Variants in CSMD1 observed in about 807,000 individuals in gnomAD.
CSMD1 encodes the protein CUB and sushi domain-containing protein 1.
In CSMD1, 213 loss-of-function variants were observed where a neutral mutation model predicts 417.5. The observed-to-expected ratio is 0.51, with a 90% CI of 0.46 to 0.57. CSMD1 has a LOEUF of 0.57. CSMD1 is among the 20% of genes least tolerant of loss of function. CSMD1 has a pLI of 0.00. For missense variants in CSMD1, 6,923 were observed against 4,529.7 expected (o/e 1.53, Z -15.17); for synonymous variants, 2,862 against 1,736.8 (o/e 1.65, Z -16.11).
At chr8:3,686,227 T>C (rs577605421) in intron 7 of CSMD1, among the ~76,000 whole-genome samples, 1 of 152,256 alleles carries the variant, frequency 6.6e-6, no homozygotes, top group African/African-American at 2.4e-5. Context: ...CCCCCTTGAG[T>C]TACTGACTTC....
At chr8:4,718,583 G>C (rs115765620) in intron 1 of CSMD1, among the ~76,000 whole-genome samples, 1 of 151,912 alleles carries the variant, frequency 6.6e-6, no homozygotes, top group Non-Finnish European at 1.5e-5. Flanking sequence ...AACATGAAAA[G>C]GAGGAGATAA....
chr8:3,433,199 C>G (rs550928880), intron 12 of CSMD1, among the ~76,000 whole-genome samples: 2 of 152,274 alleles, frequency 1.3e-5, no homozygotes, highest in Middle Eastern at 3.4e-3. Context: ...TATTAGACAA[C>G]TTTTGTGGAA....
intron 5 of CSMD1, among the ~76,000 whole-genome samples, chr8:3,916,023 T>C (rs984885041): frequency 1.3e-5 from 2 of 151,704 alleles, no homozygotes; most frequent in Admixed American, 1.3e-4. Flanking sequence ...AAAATGTCAC[T>C]GCAGACACAA....
intron 3 of CSMD1, among the ~76,000 whole-genome samples, chr8:4,315,787 C>A (rs968564402): frequency 7.7e-6 from 1 of 130,718 alleles, no homozygotes; most frequent in Non-Finnish European, 1.7e-5. Flanking sequence ...ACATATTTTG[C>A]ATAAAGTAAT....
chr8:3,532,006 T>C (rs931422812), intron 10 of CSMD1, among the ~76,000 whole-genome samples: 1 of 152,230 alleles, frequency 6.6e-6, no homozygotes, highest in Non-Finnish European at 1.5e-5. Flanking sequence ...CCTATGCAGA[T>C]GGCACACCTG....
At chr8:4,029,269 G>A (rs888928708) in intron 4 of CSMD1, among the ~76,000 whole-genome samples, 2 of 152,140 alleles carry the variant, frequency 1.3e-5, no homozygotes, top group African/African-American at 4.8e-5. Flanking sequence ...GATATTTGGG[G>A]GATATAATAA....
chr8:4,843,786 A>T (rs1800974120), intron 1 of CSMD1, among the ~76,000 whole-genome samples: 1 of 152,226 alleles, frequency 6.6e-6, no homozygotes, highest in South Asian at 2.1e-4. Flanking sequence ...TATCCGTTGA[A>T]TGAACAAACT....
chr8:3,922,395 G>T (rs1809340152), intron 5 of CSMD1, among the ~76,000 whole-genome samples: 1 of 151,838 alleles, frequency 6.6e-6, no homozygotes, highest in Admixed American at 6.6e-5. Context: ...TAATAGGTAA[G>T]AACTTACTAC....
chr8:3,356,630 G>T (rs574006596), intron 21 of CSMD1, among the ~76,000 whole-genome samples: 1 of 152,204 alleles, frequency 6.6e-6, no homozygotes, highest in African/African-American at 2.4e-5. Context: ...AGCCGAGATC[G>T]TGCCACTGCA....
In CSMD1 at chr8:4,084,699, T is replaced by C. The variant is rs17332062; in HGVS notation, c.416-52600A>G. On this transcript the variant is annotated intron_variant, in intron 3 of 69. Coordinates refer to ENST00000635120, the MANE Select transcript of CSMD1 (RefSeq NM_033225.6). The stretch of plus-strand genomic sequence containing the variant: ...AAGCACTAGCAATAGAGGCATCAAT[T>C]AGCAATAACAGAAAAAGCAGCCCCT... Among the ~76,000 whole-genome samples, 574 of 151,380 alleles carry C rather than the reference T, an allele frequency of 3.8e-3. 2 individuals are homozygous for C. Among genetic ancestry groups the C allele is most frequent in the Middle Eastern group, 0.01 (3 of 290 alleles).
At chr8:3,962,869 C>A (rs748787066) in intron 5 of CSMD1, among the ~76,000 whole-genome samples, 7 of 152,130 alleles carry the variant, frequency 4.6e-5, no homozygotes, top group African/African-American at 1.7e-4. Context: ...ATTATTCAAG[C>A]TGTAAAACAA....
intron 6 of CSMD1, 103 bp downstream of exon 6, chr8:3,753,827 A>T: frequency 2.8e-6 from 2 of 715,260 alleles, no homozygotes; most frequent in Non-Finnish European, 4.6e-6. Context: ...ATTAGAAACC[A>T]TTTTCAAGCT....
At chr8:3,366,395 A>G (rs1809568720) in intron 20 of CSMD1, among the ~76,000 whole-genome samples, 2 of 152,196 alleles carry the variant, frequency 1.3e-5, no homozygotes. Flanking sequence ...AGAAAAAATT[A>G]GCATCTCTGT....
intron 1 of CSMD1, among the ~76,000 whole-genome samples, chr8:4,707,249 C>T (rs1584974040): frequency 6.6e-6 from 1 of 152,252 alleles, no homozygotes; most frequent in East Asian, 1.9e-4. Flanking sequence ...ATTCTTACAA[C>T]GGTCCTAGGA....
At chr8:4,302,295 T>C (rs4604461) in intron 3 of CSMD1, among the ~76,000 whole-genome samples, 112,771 of 152,094 alleles carry the variant, frequency 0.74, 42,009 homozygotes, top group East Asian at 0.85. Context: ...CTTGGAATGG[T>C]TTTCCTTAAC....
At chr8:3,154,072 T>C (rs953856672) in intron 39 of CSMD1, among the ~76,000 whole-genome samples, 7 of 152,206 alleles carry the variant, frequency 4.6e-5, no homozygotes, top group Non-Finnish European at 1.5e-5. Context: ...GTTCAAGTGA[T>C]TCTCCTGCCT....
At position 3,574,952 on chromosome 8, in the gene CSMD1, G is replaced by C. The variant is rs1485581476; in HGVS notation, c.1337C>G (p.Pro446Arg). The C allele has an allele frequency of 1.9e-6, 3 of 1,612,064 alleles. No individual in the cohort carries two copies. The highest frequency in any genetic ancestry group is 1.3e-5 in the African/African-American group (1 of 74,870). Reference protein sequence around the residue: ...HCVWVITTTDPDKVIKLAFEE... With the variant: ...HCVWVITTTDRDKVIKLAFEE... Reference sequence around the variant, plus strand: ...TTGGAGGCGGAGCCTTACCTTGTCCGGGTCGGTGGTGGTGATGACCCACAC... The same window carrying C: ...TTGGAGGCGGAGCCTTACCTTGTCCCGGTCGGTGGTGGTGATGACCCACAC... Residue 446 changes from proline (P) to arginine (R), a missense_variant, in exon 10 of 70, where the codon CCG becomes CGG. Transcript: ENST00000635120.
At chr8:4,972,015 T>G (rs1248798075) in intron 1 of CSMD1, among the ~76,000 whole-genome samples, 3 of 152,016 alleles carry the variant, frequency 2.0e-5, no homozygotes, top group Non-Finnish European at 2.9e-5. Flanking sequence ...AGCCAACAAT[T>G]GAAGAAAGTC....
At chr8:3,999,804 G>A (rs1815517934) in intron 4 of CSMD1, among the ~76,000 whole-genome samples, 1 of 152,158 alleles carries the variant, frequency 6.6e-6, no homozygotes. Flanking sequence ...CTACATGAGG[G>A]ATGGGTGTTC....
Sources: allele counts gnomAD v4.1 joint callset (sites outside exome capture counted in the v4.1 genomes callset), GRCh38; gene constraint gnomAD v4.1.1; transcripts MANE v1.5; gene names NCBI Gene and HGNC (gene_info 2026-07-23, HGNC 2026-07-21).